Variants in COL14A1 observed in about 807,000 individuals in gnomAD.
COL14A1 encodes collagen alpha-1(XIV) chain.
Under a neutral mutation model 230.3 loss-of-function variants are expected in COL14A1, and 136 were observed. The ratio of observed to expected loss-of-function variants is 0.59; its 90% CI spans 0.51 to 0.68. The LOEUF is 0.68. Among genes scored for constraint, COL14A1 ranks in the 30% least tolerant of loss-of-function variants. COL14A1 has a pLI of 0.00. For missense variants in COL14A1, 1,976 were observed against 2,215.8 expected (o/e 0.89, Z 2.17); for synonymous variants, 792 against 784.1 (o/e 1.01, Z -0.17).
At chr8:120,142,834 TA>T (rs1462775283) in intron 1 of COL14A1, among the ~76,000 whole-genome samples, 1 of 152,156 alleles carries the variant, frequency 6.6e-6, no homozygotes, top group African/African-American at 2.4e-5. Flanking sequence ...ATTGGATATT[TA>T]AAAAAAGCTT....
intron 9 of COL14A1, among the ~76,000 whole-genome samples, chr8:120,205,364 C>T (rs977940519): frequency 1.3e-5 from 2 of 152,144 alleles, no homozygotes; most frequent in Non-Finnish European, 2.9e-5. Flanking sequence ...ACCTTCTTCT[C>T]TCTACTTTTC....
At chr8:120,202,989 A>AATATACATATATATATATAT (rs1171878593) in intron 8 of COL14A1, among the ~76,000 whole-genome samples, 23 of 106,546 alleles carry the variant, frequency 2.2e-4, no homozygotes, top group Admixed American at 4.7e-4. Context: ...AATAATTTCA[A>AATATACATATATATATATAT]ATATATATAT....
chr8:120,217,752 A>G (rs891265434), intron 14 of COL14A1, among the ~76,000 whole-genome samples: 1 of 151,906 alleles, frequency 6.6e-6, no homozygotes, highest in African/African-American at 2.4e-5. Flanking sequence ...AGATTGAAAT[A>G]AAAAAACACT....
Position 120,221,560 on chromosome 8 carries a change from GCACA to G in COL14A1, c.1738-3508_1738-3505del, listed in dbSNP as rs142408225. 4.5e-3 allele frequency among the ~76,000 whole-genome samples: 675 copies of G among 149,398 alleles called. 10 individuals are homozygous for G. Among genetic ancestry groups the G allele is most frequent in the African/African-American group, 0.016 (643 of 40,820 alleles). On this transcript the variant is annotated intron_variant, in intron 14 of 47. Coordinates refer to ENST00000297848, the MANE Select transcript of COL14A1 (RefSeq NM_021110.4). The stretch of plus-strand genomic sequence containing the variant: ...TTTTAACAGATACACACACACACAT[GCACA>G]CACACACACACACACACACGTTTCT...
chr8:120,195,274 C>T (rs144664559), intron 5 of COL14A1, among the ~76,000 whole-genome samples: 29 of 151,992 alleles, frequency 1.9e-4, no homozygotes, highest in African/African-American at 6.0e-4. Flanking sequence ...GCATATTCAA[C>T]TTGTTTATGA....
intron 40 of COL14A1, among the ~76,000 whole-genome samples, chr8:120,321,766 T>C (rs978164273): frequency 6.6e-6 from 1 of 152,200 alleles, no homozygotes; most frequent in East Asian, 1.9e-4. Flanking sequence ...TTGCATTTTA[T>C]ATTGGTAAAC....
At position 120,140,124 on chromosome 8, in the gene COL14A1, G is replaced by T. The variant is rs113875656; in HGVS notation, c.-37-7682G>T. On this transcript the variant is annotated intron_variant, in intron 1 of 47. Coordinates refer to ENST00000297848, the MANE Select transcript of COL14A1 (RefSeq NM_021110.4). ...ATTTCATTGATAAAGAGCAGAGAGTGGTTAAACCAGCTAGCCAAGGACCTA... is the reference window on the plus strand; with the variant it reads ...ATTTCATTGATAAAGAGCAGAGAGTTGTTAAACCAGCTAGCCAAGGACCTA... 2.3e-3 allele frequency among the ~76,000 whole-genome samples: 345 copies of T among 152,294 alleles called. 1 individual carries two copies. Among genetic ancestry groups the T allele is most frequent in the African/African-American group, 7.6e-3 (315 of 41,570 alleles).
At chr8:120,164,047 C>A (rs1177754856) in intron 4 of COL14A1, among the ~76,000 whole-genome samples, 2 of 152,100 alleles carry the variant, frequency 1.3e-5, no homozygotes, top group Non-Finnish European at 2.9e-5. Context: ...CAGAAGAGAC[C>A]TAGCCTAGTT....
At chr8:120,298,068 C>T (rs751121076) in intron 35 of COL14A1, among the ~76,000 whole-genome samples, 1 of 151,994 alleles carries the variant, frequency 6.6e-6, no homozygotes, top group Non-Finnish European at 1.5e-5. Flanking sequence ...TGTGTGCTAC[C>T]TGAGCCCTGC....
intron 38 of COL14A1, 114 bp downstream of exon 38, chr8:120,314,141 A>G (rs1353704517): frequency 7.1e-6 from 5 of 705,712 alleles, no homozygotes; most frequent in Admixed American, 6.4e-5. Context: ...TCCCTTTGAA[A>G]GCAATGATGG....
chr8:120,357,101 G>T (rs1823014861), intron 45 of COL14A1, among the ~76,000 whole-genome samples: 1 of 152,176 alleles, frequency 6.6e-6, no homozygotes, highest in South Asian at 2.1e-4. Flanking sequence ...TTAAAACTTA[G>T]TGGCTTAAAG....
chr8:120,289,955 A>G (rs1032185160), intron 34 of COL14A1, among the ~76,000 whole-genome samples, 189 bp downstream of exon 34: 1 of 152,204 alleles, frequency 6.6e-6, no homozygotes, highest in Admixed American at 6.5e-5. Flanking sequence ...TAAATGAATT[A>G]AGACATGTAC....
chr8:120,286,322 T>G (rs983838678), intron 33 of COL14A1, among the ~76,000 whole-genome samples: 1 of 152,126 alleles, frequency 6.6e-6, no homozygotes, highest in African/African-American at 2.4e-5. Context: ...CAACTAGCTA[T>G]CTATGAGTGC....
At chr8:120,140,172 A>G (rs1314210640) in intron 1 of COL14A1, among the ~76,000 whole-genome samples, 1 of 152,246 alleles carries the variant, frequency 6.6e-6, no homozygotes, top group Non-Finnish European at 1.5e-5. Flanking sequence ...TATCACCACA[A>G]GTGGCTTCCT....
chr8:120,235,925 T>A (rs1818430143), intron 19 of COL14A1, among the ~76,000 whole-genome samples: 1 of 152,188 alleles, frequency 6.6e-6, no homozygotes, highest in Admixed American at 6.5e-5. Flanking sequence ...AGTTGTGCAG[T>A]TTTGAGTGAG....
intron 5 of COL14A1, among the ~76,000 whole-genome samples, chr8:120,181,967 GAA>G (rs1816479144): frequency 6.6e-6 from 1 of 151,894 alleles, no homozygotes; most frequent in East Asian, 1.9e-4. Context: ...CCCCCTCCCC[GAA>G]AAGTTATGCT....
At chr8:120,302,080 A>T (rs891166697) in intron 36 of COL14A1, among the ~76,000 whole-genome samples, 1 of 151,784 alleles carries the variant, frequency 6.6e-6, no homozygotes, top group African/African-American at 2.4e-5. Context: ...TAATGGGGTC[A>T]TTTGGGTTTT....
intron 40 of COL14A1, among the ~76,000 whole-genome samples, chr8:120,328,133 T>C (rs753632240): frequency 1.3e-5 from 2 of 152,216 alleles, no homozygotes; most frequent in Admixed American, 6.5e-5. Flanking sequence ...GAATAAAACA[T>C]AATTTTCTGC....
At chr8:120,328,557 C>T (rs1241968956) in intron 40 of COL14A1, among the ~76,000 whole-genome samples, 2 of 152,088 alleles carry the variant, frequency 1.3e-5, no homozygotes, top group African/African-American at 4.8e-5. Context: ...GATTTGATCA[C>T]ACTGAAGCAC....
Sources: allele counts gnomAD v4.1 joint callset (sites outside exome capture counted in the v4.1 genomes callset), GRCh38; gene constraint gnomAD v4.1.1; transcripts MANE v1.5; gene names NCBI Gene and HGNC (gene_info 2026-07-23, HGNC 2026-07-21).